Variants in MACROD2 observed in about 807,000 individuals in gnomAD.
MACROD2 encodes ADP-ribose glycohydrolase MACROD2.
MACROD2 carries 36 observed loss-of-function variants against 70.4 expected under a neutral mutation model. That is an observed-to-expected ratio of 0.51 (90% CI 0.39 to 0.68). The LOEUF is 0.68. MACROD2 is among the 30% of genes least tolerant of loss of function. MACROD2 has a pLI of 0.00. For synonymous variants in MACROD2, 172 were observed against 178.8 expected (o/e 0.96, Z 0.30); for missense variants, 496 against 538.4 (o/e 0.92, Z 0.78).
chr20:15,316,311 G>A (rs2077810117), intron 6 of MACROD2, among the ~76,000 whole-genome samples: 1 of 151,228 alleles, frequency 6.6e-6, no homozygotes, highest in African/African-American at 2.4e-5. Context: ...GATTACTTTA[G>A]ATCTAAAGAT....
At chr20:14,837,471 A>G (rs1353058949) in intron 5 of MACROD2, among the ~76,000 whole-genome samples, 1 of 152,052 alleles carries the variant, frequency 6.6e-6, no homozygotes, top group Non-Finnish European at 1.5e-5. Flanking sequence ...GTATGAATGG[A>G]TATGTAACAA....
intron 5 of MACROD2, among the ~76,000 whole-genome samples, chr20:15,171,312 A>T (rs1170048775): frequency 1.4e-5 from 2 of 143,680 alleles, no homozygotes; most frequent in Non-Finnish European, 3.0e-5. Flanking sequence ...CTCCTCCTCC[A>T]CCACTGTCTC....
At chr20:14,331,264 G>A (rs1476459853) in intron 3 of MACROD2, among the ~76,000 whole-genome samples, 1 of 152,000 alleles carries the variant, frequency 6.6e-6, no homozygotes, top group Non-Finnish European at 1.5e-5. Context: ...ACCAAATAAG[G>A]CTCTAACAAT....
chr20:14,058,566 GTCTTTGACTCCTTTTT>G (rs2053657113), intron 2 of MACROD2, among the ~76,000 whole-genome samples: 1 of 149,910 alleles, frequency 6.7e-6, no homozygotes, highest in African/African-American at 2.4e-5. Flanking sequence ...TATATTGAGA[GTCTTTGACTCCTTTTT>G]TCTTTGACTT....
intron 5 of MACROD2, among the ~76,000 whole-genome samples, chr20:14,779,460 T>C (rs2123783432): frequency 6.6e-6 from 1 of 152,264 alleles, no homozygotes; most frequent in Middle Eastern, 3.4e-3. Flanking sequence ...TGTCATCATG[T>C]GTAGGTCCTC....
chr20:15,205,796 T>C (rs910226647), intron 5 of MACROD2, among the ~76,000 whole-genome samples: 1 of 152,234 alleles, frequency 6.6e-6, no homozygotes, highest in African/African-American at 2.4e-5. Context: ...CTTCAAGATA[T>C]TTTATTGGTT....
chr20:15,047,256 G>A (rs543683607), intron 5 of MACROD2, among the ~76,000 whole-genome samples: 3 of 152,342 alleles, frequency 2.0e-5, no homozygotes, highest in Admixed American at 6.5e-5. Context: ...ACTGTGCAGT[G>A]TGGTGTGCTA....
chr20:14,626,373 T>C (rs1984162528), intron 4 of MACROD2, among the ~76,000 whole-genome samples: 1 of 152,102 alleles, frequency 6.6e-6, no homozygotes, highest in South Asian at 2.1e-4. Flanking sequence ...ATCTTTCAGA[T>C]ATAGTATATA....
intron 7 of MACROD2, among the ~76,000 whole-genome samples, chr20:15,450,047 G>A (rs748379186): frequency 2.0e-4 from 31 of 151,914 alleles, no homozygotes; most frequent in Non-Finnish European, 4.1e-4. Context: ...CAGATATTAA[G>A]CCATTGATTT....
chr20:15,525,850 C>G (rs551361682), intron 8 of MACROD2, among the ~76,000 whole-genome samples: 25 of 152,310 alleles, frequency 1.6e-4, no homozygotes, highest in African/African-American at 5.5e-4. Flanking sequence ...CAGCTGGATA[C>G]TCCTTATAGG....
intron 5 of MACROD2, among the ~76,000 whole-genome samples, chr20:14,897,350 A>T (rs1001312403): frequency 1.3e-5 from 2 of 152,250 alleles, no homozygotes; most frequent in Non-Finnish European, 1.5e-5. Flanking sequence ...TTTAAAAAAA[A>T]TTTCCTGTCA....
chr20:15,190,740 G>C (rs1317972357), intron 5 of MACROD2, among the ~76,000 whole-genome samples: 1 of 152,168 alleles, frequency 6.6e-6, no homozygotes, highest in Non-Finnish European at 1.5e-5. Flanking sequence ...AGGGTGCACA[G>C]GAGGCCTTAG....
chr20:14,671,605 G>A (rs1241842167), intron 4 of MACROD2, among the ~76,000 whole-genome samples: 2 of 152,106 alleles, frequency 1.3e-5, no homozygotes, highest in African/African-American at 4.8e-5. Context: ...TGTGTGATCT[G>A]TAACTAAAAA....
At chr20:14,770,498 C>G (rs916351958) in intron 5 of MACROD2, among the ~76,000 whole-genome samples, 5 of 152,048 alleles carry the variant, frequency 3.3e-5, no homozygotes, top group South Asian at 2.1e-4. Flanking sequence ...AAATAGCTCT[C>G]GTAGATTTAC....
chr20:14,423,378 G>T (rs1232404743), intron 3 of MACROD2, among the ~76,000 whole-genome samples: 3 of 151,640 alleles, frequency 2.0e-5, no homozygotes, highest in Non-Finnish European at 4.4e-5. Context: ...TGTTTCTGGG[G>T]GATGGGGGCA....
chr20:14,698,782 A>C (rs1200688665), intron 5 of MACROD2, among the ~76,000 whole-genome samples: 2 of 149,122 alleles, frequency 1.3e-5, no homozygotes, highest in Admixed American at 6.7e-5. Context: ...ATTTAATTAA[A>C]TAATTACATT....
At chr20:14,339,719 CAAAT>C (rs1353294155) in intron 3 of MACROD2, among the ~76,000 whole-genome samples, 1 of 152,134 alleles carries the variant, frequency 6.6e-6, no homozygotes, top group Non-Finnish European at 1.5e-5. Context: ...CATCACTTGA[CAAAT>C]AAAGGCAGCA....
chr20:14,142,680 A>T (rs898686213), intron 3 of MACROD2, among the ~76,000 whole-genome samples: 2 of 152,238 alleles, frequency 1.3e-5, no homozygotes, highest in Non-Finnish European at 2.9e-5. Flanking sequence ...TGCCTTTAGT[A>T]CTTGCATCTT....
chr20:14,326,009 C>T lies in MACROD2; in HGVS notation c.272-167470C>T. ...TTGTACATTCGAAGGGGTGCAGTTT[C>T]AGTCTCAATACAAACAGGAGTTTCA... On this transcript the variant is annotated intron_variant, in intron 3 of 17. Coordinates refer to ENST00000684519, the MANE Select transcript of MACROD2 (RefSeq NM_001351661.2). This position sits in a 1 kb window ranked among gnomAD's most constrained non-coding sequence, Gnocchi z 5.5. 6.2e-7 allele frequency: 1 copy of T among 1,613,924 alleles called. No homozygotes were observed.
Sources: allele counts gnomAD v4.1 joint callset (sites outside exome capture counted in the v4.1 genomes callset), GRCh38; gene constraint gnomAD v4.1.1; non-coding constraint Gnocchi (gnomAD v3.1); transcripts MANE v1.5; gene names NCBI Gene and HGNC (gene_info 2026-07-23, HGNC 2026-07-21).